Variants in PTGS1 observed in about 807,000 individuals in gnomAD.
PTGS1 encodes the protein prostaglandin G/H synthase 1.
A neutral mutation model predicts 63.0 loss-of-function variants in PTGS1; 40 were observed. That is an observed-to-expected ratio of 0.63 (90% CI 0.49 to 0.83). The LOEUF is 0.83. Among genes scored for constraint, PTGS1 ranks in the 40% least tolerant of loss-of-function variants. The pLI is 0.00. For synonymous variants in PTGS1, 298 were observed against 301.9 expected (o/e 0.99, Z 0.13); for missense variants, 709 against 786.5 (o/e 0.90, Z 1.18).
rs1837541549 is a variant in PTGS1, at chr9:122,381,766, G to T, written c.762+19G>T. 2 of 1,605,506 alleles carry T rather than the reference G, an allele frequency of 1.2e-6. No individual in the cohort carries two copies. Among genetic ancestry groups the T allele is most frequent in the Middle Eastern group, 1.7e-4 (1 of 6,032 alleles). On this transcript the variant is annotated intron_variant, in intron 7 of 10. Coordinates refer to ENST00000362012, the MANE Select transcript of PTGS1 (RefSeq NM_000962.4). ...GTACCAGGTAGTGCTGGGCCAGGGG[G>T]TAGGGCAGAGGGAGGGGTCTCCCAT...
chr9:122,381,335 A>G, intron 5 of PTGS1, 36 bp from the exon 6 acceptor site: 1 of 1,599,880 alleles, frequency 6.3e-7, no homozygotes, highest in Non-Finnish European at 8.5e-7. Context: ...AGATCCAGAT[A>G]GGAGAAGCTA....
chr9:122,378,367 T>C, intron 3 of PTGS1, 66 bp from the exon 4 acceptor site: 1 of 1,603,806 alleles, frequency 6.2e-7, no homozygotes, highest in Non-Finnish European at 8.5e-7. Flanking sequence ...GTGCCCCATC[T>C]TCCACCCTGG....
rs574850607 is a variant in PTGS1 at position 122,373,212 on chromosome 9, G to A, written c.94+1940G>A. 6.8e-4 allele frequency among the ~76,000 whole-genome samples: 103 copies of A among 152,362 alleles called. No individual in the cohort carries two copies. In the Middle Eastern group the frequency reaches 0.01, roughly 15 times the overall value. ...GATGCGTAATGTGGGGATGAGACTGGAGGCCAGAAAACTGGTACCGAGGCT... is the reference window on the plus strand; with the variant it reads ...GATGCGTAATGTGGGGATGAGACTGAAGGCCAGAAAACTGGTACCGAGGCT... On this transcript the variant is annotated intron_variant, in intron 2 of 10. Transcript: ENST00000362012.
chr9:122,385,206 C>T (rs761107849), intron 8 of PTGS1, among the ~76,000 whole-genome samples: 7 of 152,192 alleles, frequency 4.6e-5, no homozygotes, highest in Admixed American at 2.0e-4. Context: ...GATCCACCCG[C>T]CTTGGCATCC....
intron 5 of PTGS1, among the ~76,000 whole-genome samples, chr9:122,380,478 T>TA (rs1311131320): frequency 2.1e-5 from 3 of 141,368 alleles, no homozygotes; most frequent in African/African-American, 8.3e-5. Flanking sequence ...AATAAATAAA[T>TA]AAATAAATAA....
intron 5 of PTGS1, among the ~76,000 whole-genome samples, chr9:122,379,876 C>A (rs1046343222): frequency 2.0e-5 from 3 of 152,162 alleles, no homozygotes; most frequent in Non-Finnish European, 4.4e-5. Context: ...TGATCTTGAA[C>A]CTTCAACATC....
At chr9:122,391,762 C>T (rs1838300865) in intron 10 of PTGS1, among the ~76,000 whole-genome samples, 1 of 151,978 alleles carries the variant, frequency 6.6e-6, no homozygotes, top group Non-Finnish European at 1.5e-5. Flanking sequence ...TGTGTGAGCT[C>T]GGACATGTTA....
intron 5 of PTGS1, 44 bp from the exon 6 acceptor site, chr9:122,381,327 A>G (rs1837498293): frequency 1.3e-6 from 2 of 1,593,370 alleles, no homozygotes; most frequent in African/African-American, 2.7e-5. Flanking sequence ...GGGCAGCAAG[A>G]TCCAGATAGG....
intron 9 of PTGS1, among the ~76,000 whole-genome samples, chr9:122,386,962 T>C (rs1390073504): frequency 6.6e-6 from 1 of 152,096 alleles, no homozygotes; most frequent in African/African-American, 2.4e-5. Flanking sequence ...TCTTGGCTCA[T>C]CTTTTAGTGC....
At position 122,393,949 on chromosome 9, in the gene PTGS1, G is replaced by C. The variant is rs201938560; in HGVS notation, c.*1405G>C. ...TACTATGTGCCAGTTCCTGTAACAG[G>C]TGTGGGGACACAGCAGTGAGTAATC... On this transcript the variant is annotated 3_prime_UTR_variant, in exon 11 of 11. Transcript: ENST00000362012. The C allele has an allele frequency of 2.0e-5, 3 of 152,380 alleles. No homozygotes were observed. The highest frequency in any genetic ancestry group is 1.9e-4 in the East Asian group (1 of 5,190). The allele number at this position is 152,380 out of a possible 1,614,324, so 9.4% of individuals were successfully genotyped here.
chr9:122,387,412 T>G (rs1207778392), intron 9 of PTGS1, among the ~76,000 whole-genome samples: 1 of 152,188 alleles, frequency 6.6e-6, no homozygotes, highest in East Asian at 1.9e-4. Flanking sequence ...GAATTGTGGC[T>G]CTTTTAAAGT....
intron 9 of PTGS1, among the ~76,000 whole-genome samples, chr9:122,388,747 A>G (rs1334749068): frequency 6.6e-6 from 1 of 152,132 alleles, no homozygotes; most frequent in Admixed American, 6.5e-5. Flanking sequence ...GCATCGCTCT[A>G]GTCTCTGCCT....
Position 122,392,538 on chromosome 9 carries a change from G to A in PTGS1, c.1794G>A (p.Glu598=), listed in dbSNP as rs527896215. The A allele has an allele frequency of 8.7e-6, 14 of 1,610,894 alleles. No individual in the cohort carries two copies. In the South Asian group the frequency reaches 1.4e-4, roughly 16 times the overall value. Residue 598 remains glutamate (E), a synonymous_variant, in exon 11 of 11, where the codon GAG becomes GAA. Coordinates refer to ENST00000362012, the MANE Select transcript of PTGS1 (RefSeq NM_000962.4). ...CTGCTGTGGAGCGACCATCCACAGA[G>A]CTCTGAGGGGCAGGAAAGCAGCATT... The part of the protein sequence containing the change: ...DGPAVERPST[E]L
At chr9:122,391,099 C>T (rs1341078654) in intron 10 of PTGS1, among the ~76,000 whole-genome samples, 1 of 151,234 alleles carries the variant, frequency 6.6e-6, no homozygotes, top group Admixed American at 6.6e-5. Context: ...CACTTACGGG[C>T]CAGCTGCATA....
At chr9:122,376,132 C>T (rs1837138998) in intron 2 of PTGS1, among the ~76,000 whole-genome samples, 2 of 152,006 alleles carry the variant, frequency 1.3e-5, no homozygotes, top group African/African-American at 2.4e-5. Flanking sequence ...CTTTCTGGGC[C>T]TGTGGCTGGG....
chr9:122,377,531 G>A (rs1837246220), intron 2 of PTGS1, among the ~76,000 whole-genome samples: 2 of 150,992 alleles, frequency 1.3e-5, no homozygotes, highest in African/African-American at 4.9e-5. Context: ...GGAAGTGAAC[G>A]CTCTAGAAGC....
intron 2 of PTGS1, chr9:122,371,609 A>G: frequency 1.4e-6 from 2 of 1,431,828 alleles, no homozygotes; most frequent in Admixed American, 2.8e-5. Context: ...GCTGTTTCCT[A>G]TAGGGGCCTC....
chr9:122,394,782 T>C lies in PTGS1; in HGVS notation c.*2238T>C, dbSNP rs1325478055. On this transcript the variant is annotated 3_prime_UTR_variant, in exon 11 of 11. Transcript: ENST00000362012. Reference sequence around the variant, plus strand: ...GGCTCTGACAAGATGGTCCATTTGTTCCTGCTTCCGAGATCCCCAGGGCAG... The same window carrying C: ...GGCTCTGACAAGATGGTCCATTTGTCCCTGCTTCCGAGATCCCCAGGGCAG... 1 of 152,220 alleles carries C rather than the reference T, an allele frequency of 6.6e-6. No individual in the cohort carries two copies. The highest frequency in any genetic ancestry group is 1.5e-5 in the Non-Finnish European group (1 of 68,070). 9.4% of individuals were successfully genotyped at this position (152,220 alleles called of 1,614,324 possible).
chr9:122,386,985 A>C (rs565618942), intron 9 of PTGS1, among the ~76,000 whole-genome samples: 56 of 152,118 alleles, frequency 3.7e-4, no homozygotes, highest in Middle Eastern at 3.4e-3. Flanking sequence ...CCACCCTAGA[A>C]AGTGATGGCA....
Sources: gnomAD v4.1 joint callset for allele counts (sites outside exome capture counted in the v4.1 genomes callset) on GRCh38, gnomAD v4.1.1 for gene constraint, MANE v1.5 for transcripts, NCBI Gene and HGNC (gene_info 2026-07-23, HGNC 2026-07-21) for gene names.